The following GALNT3 variants were observed in gnomAD, a reference collection of about 807,000 sequenced individuals.
The protein encoded by GALNT3 is polypeptide N-acetylgalactosaminyltransferase 3.
Under a neutral mutation model 69.8 loss-of-function variants are expected in GALNT3, and 51 were observed. That is an observed-to-expected ratio of 0.73 (90% confidence interval 0.58 to 0.92). The LOEUF is 0.92. GALNT3 is among the 40% of genes least tolerant of loss of function. The probability of loss-of-function intolerance (pLI) is 0.00; values close to 1 mark genes in which losing one functional copy is unlikely to be tolerated. For missense variants in GALNT3, 711 were observed against 760.0 expected (o/e 0.94, Z 0.76); for synonymous variants, 265 against 248.5 (o/e 1.07, Z -0.63).
chr2:165,780,247 G>C (rs1223332861), intron 1 of GALNT3, among the ~76,000 whole-genome samples: 1 of 152,052 alleles, frequency 6.6e-6, no homozygotes, highest in Non-Finnish European at 1.5e-5. Flanking sequence ...TGATTATTAA[G>C]AGCCTCCTCT....
At position 165,762,057 on chromosome 2, in the gene GALNT3, G is replaced by A. The variant is rs779922528; in HGVS notation, c.689-3C>T. ...ATCTAGTTTATCATGTAAGTACTCT[G>A]TAAGGAAAAAAAATCAGGGTTAATT... On this transcript the variant is annotated splice_polypyrimidine_tract_variant and splice_region_variant and intron_variant, in intron 3 of 10. Transcript: ENST00000392701. 3 of 1,527,012 alleles carry A rather than the reference G, an allele frequency of 2.0e-6. No individual in the cohort carries two copies. The highest frequency in any genetic ancestry group is 2.7e-5 in the African/African-American group (2 of 72,796). 94.6% of individuals were successfully genotyped at this position (1,527,012 alleles called of 1,614,324 possible).
In GALNT3 at chr2:165,764,965, T is replaced by A; in HGVS notation, c.607A>T (p.Arg203Ter). 1 of 1,614,216 alleles carries A rather than the reference T, an allele frequency of 6.2e-7. No homozygotes were observed. The highest frequency in any genetic ancestry group is 8.5e-7 in the Non-Finnish European group (1 of 1,180,026). The change falls in exon 3 of 11, where the codon AGA becomes TGA. Residue 203 changes from arginine to a stop codon, truncating the protein, a stop_gained. Transcript: ENST00000392701. LOFTEE classifies it high-confidence loss of function. Reference sequence around the variant, plus strand: ...GAATAGAGCACACTGTGGACAGTTCTAAGCAACGTGGACCACGCTTCATTA... The same window carrying A: ...GAATAGAGCACACTGTGGACAGTTCAAAGCAACGTGGACCACGCTTCATTA... Reference protein sequence around the residue: ...FHNEAWSTLLRTVHSVLYSSP... With the variant: ...FHNEAWSTLL
At chr2:165,757,377 T>C in intron 6 of GALNT3, 130 bp from the exon 7 acceptor site, 1 of 851,830 alleles carries the variant, frequency 1.2e-6, no homozygotes, top group Admixed American at 2.1e-5. Flanking sequence ...AAATAGTCTC[T>C]GTCCCCTGCC....
At chr2:165,765,510 T>TA (rs1688622280) in intron 2 of GALNT3, among the ~76,000 whole-genome samples, 1 of 146,902 alleles carries the variant, frequency 6.8e-6, no homozygotes, top group Admixed American at 6.8e-5. Context: ...TTTTTTTTTT[T>TA]ATGGAGTCTC....
At chr2:165,789,704 TAAA>T (rs34701222) in intron 1 of GALNT3, among the ~76,000 whole-genome samples, 22,055 of 149,636 alleles carry the variant, frequency 0.15, 1,933 homozygotes, top group East Asian at 0.33. Context: ...CCTTGTCTCA[TAAA>T]AAAAAAAAAA....
intron 6 of GALNT3, 193 bp downstream of exon 6, chr2:165,758,554 C>G (rs1055143523): frequency 8.4e-6 from 4 of 475,550 alleles, no homozygotes; most frequent in Admixed American, 3.8e-5. Flanking sequence ...TCTTGTTACA[C>G]TGGCGACAAT....
intron 1 of GALNT3, among the ~76,000 whole-genome samples, chr2:165,782,252 TG>T (rs1361280283): frequency 1.3e-5 from 2 of 152,132 alleles, no homozygotes; most frequent in Non-Finnish European, 2.9e-5. Flanking sequence ...TCCTATCACA[TG>T]GTCCTCTCTC....
At position 165,761,950 on chromosome 2, in the gene GALNT3, C is replaced by T. The variant is rs373564887; in HGVS notation, c.793G>A (p.Ala265Thr). 1 of 1,614,014 alleles carries T rather than the reference C, an allele frequency of 6.2e-7. No homozygotes were observed. Among genetic ancestry groups the T allele is most frequent in the Non-Finnish European group, 8.5e-7 (1 of 1,179,974 alleles). Residue 265 changes from alanine to threonine, a missense_variant, in exon 4 of 11, where the codon GCA (alanine) becomes ACA (threonine). Coordinates refer to ENST00000392701, the MANE Select transcript of GALNT3 (RefSeq NM_004482.4). ...AGCGTTTCAGCTGTTGCGACTGTTG[C>T]TCCTAGCAACCGAGCAGTGATCAGA... is the stretch of plus-strand genomic sequence containing the variant. ...KGLITARLLG[A>T]TVATAETLTF...
At chr2:165,790,371 T>C (rs1421367656) in intron 1 of GALNT3, among the ~76,000 whole-genome samples, 1 of 152,202 alleles carries the variant, frequency 6.6e-6, no homozygotes, top group Non-Finnish European at 1.5e-5. Flanking sequence ...GGAATTGATT[T>C]GAATTCAGTT....
chr2:165,765,138 T>G, intron 2 of GALNT3, 82 bp from the exon 3 acceptor site: 1 of 1,132,414 alleles, frequency 8.8e-7, no homozygotes, highest in Non-Finnish European at 1.3e-6. Context: ...AACATTATCA[T>G]TATTGAATCT....
intron 1 of GALNT3, among the ~76,000 whole-genome samples, chr2:165,791,994 A>G (rs1683364728): frequency 6.6e-6 from 1 of 152,212 alleles, no homozygotes; most frequent in African/African-American, 2.4e-5. Flanking sequence ...ATCTTATGGT[A>G]AGTGAGGATG....
At chr2:165,774,957 C>G (rs1330838521) in intron 1 of GALNT3, among the ~76,000 whole-genome samples, 4 of 126,682 alleles carry the variant, frequency 3.2e-5, no homozygotes, top group Middle Eastern at 7.6e-3. Flanking sequence ...CACTATGCTG[C>G]CCAGCCAGGC....
At chr2:165,762,552 G>A (rs980237909) in intron 3 of GALNT3, among the ~76,000 whole-genome samples, 1 of 152,140 alleles carries the variant, frequency 6.6e-6, no homozygotes, top group South Asian at 2.1e-4. Context: ...GTTGAGCCAC[G>A]TCAGAAAGTC....
At chr2:165,758,686 T>A in intron 6 of GALNT3, 61 bp downstream of exon 6, 1 of 1,084,984 alleles carries the variant, frequency 9.2e-7, no homozygotes, top group Non-Finnish European at 1.4e-6. Context: ...TACCAGCCGA[T>A]TAGAACACAA....
Position 165,754,628 on chromosome 2 carries a change from T to C in GALNT3, c.1625A>G (p.Gln542Arg). ...MYTCHGLGGN[Q>R]YFEYSAQHEI... is the part of the protein sequence containing the mutation. The stretch of plus-strand genomic sequence containing the variant: ...AAGGATTTTTAATGCAGTGCTCACC[T>C]GGTTTCCCCCAAGTCCATGACATGT... The change falls in exon 9 of 11, where the codon CAG becomes CGG. Residue 542 changes from glutamine to arginine, a missense_variant and splice_region_variant. Coordinates refer to ENST00000392701, the MANE Select transcript of GALNT3 (RefSeq NM_004482.4). 6.2e-7 allele frequency: 1 copy of C among 1,607,626 alleles called. No homozygotes were observed. Among genetic ancestry groups the C allele is most frequent in the Non-Finnish European group, 8.5e-7 (1 of 1,174,332 alleles).
rs546559490 is a variant in GALNT3, at chr2:165,757,360, A to G, written c.1192-113T>C. 1.6e-5 allele frequency: 15 copies of G among 950,870 alleles called. No individual in the cohort carries two copies. In the Admixed American group the frequency reaches 3.0e-4, roughly 19 times the overall value. 58.9% of individuals were successfully genotyped at this position (950,870 alleles called of 1,614,324 possible). Reference sequence around the variant, plus strand: ...AAACAAAATTAGAGAAGAGATTACAATATTACAAATAGTCTCTGTCCCCTG... The same window carrying G: ...AAACAAAATTAGAGAAGAGATTACAGTATTACAAATAGTCTCTGTCCCCTG... On this transcript the variant is annotated intron_variant, in intron 6 of 10. Coordinates refer to ENST00000392701, the MANE Select transcript of GALNT3 (RefSeq NM_004482.4).
chr2:165,768,752 A>C (rs2105417663), intron 2 of GALNT3, among the ~76,000 whole-genome samples: 1 of 151,804 alleles, frequency 6.6e-6, no homozygotes, highest in Non-Finnish European at 1.5e-5. Flanking sequence ...AAAGCAAAAT[A>C]CACAGGCATT....
At position 165,769,069 on chromosome 2, in the gene GALNT3, A is replaced by G. The variant is rs752309007; in HGVS notation, c.515+1117T>C. On this transcript the variant is annotated intron_variant, in intron 2 of 10. Coordinates refer to ENST00000392701, the MANE Select transcript of GALNT3 (RefSeq NM_004482.4). ...CTCGGCCTCCCAAAGTGCTGGGATT[A>G]CAGGTGTGAGCCACCAAACCTGGCC... is the stretch of plus-strand genomic sequence containing the variant. Among the ~76,000 whole-genome samples the G allele has an allele frequency of 2.2e-4, 32 of 146,868 alleles. 1 individual carries two copies. Among genetic ancestry groups the G allele is most frequent in the Admixed American group, 1.0e-3 (15 of 14,746 alleles).
At chr2:165,748,939 A>T (rs755065496) in intron 10 of GALNT3, 36 bp from the exon 11 acceptor site, 16 of 1,587,764 alleles carry the variant, frequency 1.0e-5, no homozygotes, top group Non-Finnish European at 1.4e-5. Context: ...TTAAATTCCA[A>T]GACTCATAGT....
Sources: allele counts gnomAD v4.1 joint callset (sites outside exome capture counted in the v4.1 genomes callset), GRCh38; gene constraint gnomAD v4.1.1; transcripts MANE v1.5; gene names NCBI Gene and HGNC (gene_info 2026-07-23, HGNC 2026-07-21).